PCDHGB2: variants seen among roughly 807,000 people sequenced by gnomAD.
PCDHGB2 encodes the protein protocadherin gamma-B2.
In PCDHGB2, 55 loss-of-function variants were observed where a neutral mutation model predicts 59.3. The observed-to-expected ratio is 0.93, with a 90% CI of 0.75 to 1.16. The LOEUF is 1.16. PCDHGB2 is among the 50% of genes most tolerant of loss of function. PCDHGB2 has a pLI of 0.00. For synonymous variants in PCDHGB2, 516 were observed against 512.0 expected (o/e 1.01, Z -0.11); for missense variants, 1,228 against 1,198.5 (o/e 1.02, Z -0.36).
At chr5:141,421,000 A>G (rs2096537102) in intron 1 of PCDHGB2, 1 of 507,878 alleles carries the variant, frequency 2.0e-6, no homozygotes, top group East Asian at 3.3e-5. Flanking sequence ...CTGCTCACCA[A>G]TCAGGGAATG....
chr5:141,505,255 C>T (rs2099844853), intron 2 of PCDHGB2, 138 bp from the exon 3 acceptor site: 1 of 1,481,112 alleles, frequency 6.8e-7, no homozygotes, highest in Admixed American at 2.1e-5. Context: ...AGAAGTGCCT[C>T]CTACCTTGCT....
chr5:141,362,569 T>G lies in PCDHGB2; in HGVS notation c.2421+13T>G, dbSNP rs779199612. Reference sequence around the variant, plus strand: ...TACTATTTTGAAGGTGAGCTTTAATTAATTTATTTTCACTTCTGGTTTTAT... The same window carrying G: ...TACTATTTTGAAGGTGAGCTTTAATGAATTTATTTTCACTTCTGGTTTTAT... On this transcript the variant is annotated intron_variant, in intron 1 of 3. Transcript: ENST00000522605. 18 of 1,607,524 alleles carry G rather than the reference T, an allele frequency of 1.1e-5. No homozygotes were observed. Among genetic ancestry groups the G allele is most frequent in the Admixed American group, 1.7e-5 (1 of 58,892 alleles).
At chr5:141,380,270 A>G (rs1427444022) in intron 1 of PCDHGB2, among the ~76,000 whole-genome samples, 1 of 152,226 alleles carries the variant, frequency 6.6e-6, no homozygotes, top group Non-Finnish European at 1.5e-5. Flanking sequence ...GTAAAATCTC[A>G]GAGGAGAAAC....
At chr5:141,402,881 G>T in intron 1 of PCDHGB2, 1 of 1,477,920 alleles carries the variant, frequency 6.8e-7, no homozygotes. Context: ...ATACTTTGCA[G>T]GGTGGAAGAA....
rs1367772661 is a variant in PCDHGB2, at chr5:141,512,193, GGAAGCTC to G, written c.*1026_*1032del. 2.0e-5 allele frequency: 3 copies of G among 152,756 alleles called. No homozygotes were observed. Among genetic ancestry groups the G allele is most frequent in the Non-Finnish European group, 4.4e-5 (3 of 68,136 alleles). 9.5% of individuals were successfully genotyped at this position (152,756 alleles called of 1,614,324 possible). ...GGATTAAACTGGCATTTCAGTCCAAGGAAGCTCGAAGCAGGTTTAGGACCAGGTCCCC... is the reference window on the plus strand; with the variant it reads ...GGATTAAACTGGCATTTCAGTCCAAGGAAGCAGGTTTAGGACCAGGTCCCC... On this transcript the variant is annotated 3_prime_UTR_variant, in exon 4 of 4. Coordinates refer to ENST00000522605, the MANE Select transcript of PCDHGB2 (RefSeq NM_018923.3).
rs2097383403 is a variant in PCDHGB2 at position 141,431,483 on chromosome 5, T to C, written c.2422-63324T>C. On this transcript the variant is annotated intron_variant, in intron 1 of 3. Coordinates refer to ENST00000522605, the MANE Select transcript of PCDHGB2 (RefSeq NM_018923.3). This position sits in a 1 kb window ranked among gnomAD's most constrained non-coding sequence, Gnocchi z 4.8. ...GGATGCGAACGACAACGCACCAGCG[T>C]TTGCTCAGCCCGAGTACCGCGCGAG... 2 of 1,613,758 alleles carry C rather than the reference T, an allele frequency of 1.2e-6. No homozygotes were observed. The highest frequency in any genetic ancestry group is 2.7e-5 in the African/African-American group (2 of 74,938).
At chr5:141,466,123 A>G (rs961197575) in intron 1 of PCDHGB2, among the ~76,000 whole-genome samples, 1 of 151,364 alleles carries the variant, frequency 6.6e-6, no homozygotes, top group African/African-American at 2.4e-5. Flanking sequence ...CTCCAGCTCA[A>G]AAAAAAAATC....
At chr5:141,403,552 G>T (rs1228068556) in intron 1 of PCDHGB2, 5 of 1,613,892 alleles carry the variant, frequency 3.1e-6, no homozygotes, top group Non-Finnish European at 4.2e-6. Context: ...AGCGCGCCCT[G>T]GACAGGGAGG....
chr5:141,387,088 C>T (rs2090815090), intron 1 of PCDHGB2, among the ~76,000 whole-genome samples: 2 of 152,074 alleles, frequency 1.3e-5, no homozygotes, highest in Non-Finnish European at 1.5e-5. Context: ...CTGTGATCAT[C>T]GAAATGAGAA....
intron 1 of PCDHGB2, chr5:141,433,074 A>C: frequency 6.2e-7 from 1 of 1,614,218 alleles, no homozygotes; most frequent in East Asian, 2.2e-5. Flanking sequence ...ATCTTCCCCC[A>C]GCCCAACTAT....
At position 141,362,446 on chromosome 5, in the gene PCDHGB2, A is replaced by T; in HGVS notation, c.2311A>T (p.Thr771Ser). Reference protein sequence around the residue: ...AKTEFNFLNITPELVPAQDLV... With the variant: ...AKTEFNFLNISPELVPAQDLV... Reference sequence around the variant, plus strand: ...GACAGAGTTCAATTTTCTGAACATAACCCCGGAATTGGTTCCCGCGCAAGA... The same window carrying T: ...GACAGAGTTCAATTTTCTGAACATATCCCCGGAATTGGTTCCCGCGCAAGA... Residue 771 changes from threonine to serine, a missense_variant, in exon 1 of 4, where the codon ACC becomes TCC. By Grantham distance (58) the Thr-to-Ser change is moderately conservative (BLOSUM62 1). Coordinates refer to ENST00000522605, the MANE Select transcript of PCDHGB2 (RefSeq NM_018923.3). 1 of 1,613,980 alleles carries T rather than the reference A, an allele frequency of 6.2e-7. No individual in the cohort carries two copies. The highest frequency in any genetic ancestry group is 8.5e-7 in the Non-Finnish European group (1 of 1,179,880).
intron 1 of PCDHGB2, chr5:141,419,344 C>T (rs2096363174): frequency 1.9e-6 from 3 of 1,613,732 alleles, no homozygotes; most frequent in Non-Finnish European, 2.5e-6. Flanking sequence ...TTGCCAGCGA[C>T]CTGGAGTCAC....
At position 141,493,332 on chromosome 5, in the gene PCDHGB2, C is replaced by T. The variant is rs2099747680; in HGVS notation, c.2422-1475C>T. 6.6e-6 allele frequency among the ~76,000 whole-genome samples: 1 copy of T among 152,210 alleles called. No homozygotes were observed. The highest frequency in any genetic ancestry group is 1.5e-5 in the Non-Finnish European group (1 of 68,036). Reference sequence around the variant, plus strand: ...AAGAGAGATTCTAACCCCTGTCTAACTCCAGAATGTGTGCTTTTAATTTCT... The same window carrying T: ...AAGAGAGATTCTAACCCCTGTCTAATTCCAGAATGTGTGCTTTTAATTTCT... On this transcript the variant is annotated intron_variant, in intron 1 of 3. Transcript: ENST00000522605. This position sits in a 1 kb window ranked among gnomAD's most constrained non-coding sequence, Gnocchi z 4.3.
In PCDHGB2 at chr5:141,432,958, A is replaced by C; in HGVS notation, c.2422-61849A>C. 6.2e-7 allele frequency: 1 copy of C among 1,614,182 alleles called. No individual in the cohort carries two copies. Among genetic ancestry groups the C allele is most frequent in the African/African-American group, 1.3e-5 (1 of 75,056 alleles). On this transcript the variant is annotated intron_variant, in intron 1 of 3. Transcript: ENST00000522605. This position sits in a 1 kb window ranked among gnomAD's most constrained non-coding sequence, Gnocchi z 6.0. ...TGCAGGCTTCAGGAGGCGGCTTGAC[A>C]GGAGCGCCGGCGTCGCACTTTGTGG...
At chr5:141,390,830 G>A in intron 1 of PCDHGB2, 1 of 164,036 alleles carries the variant, frequency 6.1e-6, no homozygotes, top group Non-Finnish European at 1.3e-5. Flanking sequence ...TATGTCCATG[G>A]ACCCCTTGTG....
At chr5:141,426,834 A>G (rs1561824131) in intron 1 of PCDHGB2, 1 of 456,724 alleles carries the variant, frequency 2.2e-6, no homozygotes, top group South Asian at 1.5e-5. Flanking sequence ...GATGGACAAG[A>G]CTAAAGGCAA....
Position 141,360,069 on chromosome 5 carries a change from G to T in PCDHGB2, c.-67G>T. On this transcript the variant is annotated 5_prime_UTR_variant, in exon 1 of 4. Transcript: ENST00000522605. ...AACAAAAGCAGGAAAAGTGACCTTA[G>T]CCCGGATTCTGCCATCCCCGGAAGG... 1 of 1,469,260 alleles carries T rather than the reference G, an allele frequency of 6.8e-7. No individual in the cohort carries two copies. The highest frequency in any genetic ancestry group is 2.5e-5 in the East Asian group (1 of 40,452). 91.0% of individuals were successfully genotyped at this position (1,469,260 alleles called of 1,614,324 possible).
chr5:141,473,186 T>C (rs984810414), intron 1 of PCDHGB2, among the ~76,000 whole-genome samples: 1 of 152,134 alleles, frequency 6.6e-6, no homozygotes, highest in African/African-American at 2.4e-5. Flanking sequence ...CTTGAAGGAG[T>C]AAATGTATCT....
chr5:141,429,264 A>T (rs1029363907), intron 1 of PCDHGB2: 1 of 151,938 alleles, frequency 6.6e-6, no homozygotes, highest in Non-Finnish European at 1.5e-5. Flanking sequence ...TGAGGAATAA[A>T]TTTTTTTCCT....
Sources: allele counts gnomAD v4.1 joint callset (sites outside exome capture counted in the v4.1 genomes callset), GRCh38; gene constraint gnomAD v4.1.1; non-coding constraint Gnocchi (gnomAD v3.1); transcripts MANE v1.5; gene names NCBI Gene and HGNC (gene_info 2026-07-23, HGNC 2026-07-21).